PIP5K1B: variants seen among roughly 807,000 people sequenced by gnomAD.
The protein encoded by PIP5K1B is phosphatidylinositol 4-phosphate 5-kinase type-1 beta.
PIP5K1B carries 42 observed loss-of-function variants against 67.0 expected under a neutral mutation model. That is an observed-to-expected ratio of 0.63 (90% confidence interval 0.49 to 0.81). The LOEUF is 0.81. Ranked by LOEUF, PIP5K1B falls within the 30% of genes least tolerant of loss-of-function variation. The pLI, the probability that PIP5K1B is intolerant of heterozygous loss-of-function variation, is 0.00. For missense variants in PIP5K1B, 459 were observed against 646.3 expected (o/e 0.71, Z 3.14); for synonymous variants, 214 against 231.4 (o/e 0.92, Z 0.68).
chr9:68,755,553 G>T (rs1260403017), intron 2 of PIP5K1B, among the ~76,000 whole-genome samples: 1 of 152,160 alleles, frequency 6.6e-6, no homozygotes, highest in East Asian at 1.9e-4. Context: ...TTGAAAAATA[G>T]AGGGAATATA....
intron 8 of PIP5K1B, among the ~76,000 whole-genome samples, chr9:68,900,233 T>C (rs2132436364): frequency 6.6e-6 from 1 of 152,360 alleles, no homozygotes; most frequent in African/African-American, 2.4e-5. Flanking sequence ...TTATTAGCAC[T>C]GACCCCTGTC....
chr9:68,960,002 TA>T (rs1231294183), intron 14 of PIP5K1B, among the ~76,000 whole-genome samples: 1 of 152,204 alleles, frequency 6.6e-6, no homozygotes, highest in Non-Finnish European at 1.5e-5. Context: ...CACTGCTTCA[TA>T]GTGTTTATAT....
chr9:68,846,869 G>T (rs564252253), intron 4 of PIP5K1B, among the ~76,000 whole-genome samples: 1 of 152,272 alleles, frequency 6.6e-6, no homozygotes, highest in South Asian at 2.1e-4. Context: ...GATTTGAAAG[G>T]AAGAGAAAAA....
intron 1 of PIP5K1B, among the ~76,000 whole-genome samples, chr9:68,739,476 A>G (rs539800596): frequency 1.5e-3 from 228 of 152,356 alleles, no homozygotes; most frequent in African/African-American, 5.3e-3. Flanking sequence ...ACAAGAGGCC[A>G]CGTTAGCACA....
intron 1 of PIP5K1B, among the ~76,000 whole-genome samples, chr9:68,733,753 C>T (rs1231611171): frequency 6.7e-6 from 1 of 150,212 alleles, no homozygotes; most frequent in Admixed American, 6.7e-5. Flanking sequence ...AATTCTCCTG[C>T]GTCAGCCACC....
At chr9:68,765,725 G>A (rs1830395254) in intron 2 of PIP5K1B, among the ~76,000 whole-genome samples, 1 of 152,124 alleles carries the variant, frequency 6.6e-6, no homozygotes, top group South Asian at 2.1e-4. Context: ...TTTTGAAAAT[G>A]CAAACTTAAA....
chr9:68,795,444 A>G (rs1832237184), intron 2 of PIP5K1B, among the ~76,000 whole-genome samples: 1 of 152,230 alleles, frequency 6.6e-6, no homozygotes, highest in South Asian at 2.1e-4. Flanking sequence ...TATGTAATAT[A>G]TGGAATAATC....
intron 8 of PIP5K1B, among the ~76,000 whole-genome samples, chr9:68,901,327 C>T (rs540415419): frequency 5.9e-5 from 9 of 152,294 alleles, no homozygotes; most frequent in South Asian, 4.1e-4. Context: ...TGCATAATCT[C>T]GGCTCACTGC....
At chr9:68,720,813 A>G (rs1827846286) in intron 1 of PIP5K1B, among the ~76,000 whole-genome samples, 1 of 152,200 alleles carries the variant, frequency 6.6e-6, no homozygotes, top group Non-Finnish European at 1.5e-5. Flanking sequence ...TGATTTTGTC[A>G]CTGCCGTGGC....
intron 3 of PIP5K1B, among the ~76,000 whole-genome samples, chr9:68,819,928 A>C (rs938872214): frequency 1.6e-4 from 24 of 152,228 alleles, no homozygotes; most frequent in African/African-American, 5.3e-4. Flanking sequence ...TTTTAAAAAA[A>C]AATAGAAGTT....
intron 14 of PIP5K1B, among the ~76,000 whole-genome samples, chr9:68,971,034 G>A (rs1252183825): frequency 1.3e-5 from 2 of 152,084 alleles, no homozygotes; most frequent in East Asian, 1.9e-4. Context: ...TAAGTTCTGG[G>A]ATACGTATGC....
intron 8 of PIP5K1B, among the ~76,000 whole-genome samples, chr9:68,913,515 A>C (rs976177833): frequency 1.2e-4 from 19 of 152,234 alleles, no homozygotes; most frequent in African/African-American, 3.6e-4. Flanking sequence ...AATTGATGCA[A>C]ATCTTAAAAG....
intron 5 of PIP5K1B, among the ~76,000 whole-genome samples, chr9:68,874,699 GTT>G (rs1246502668): frequency 2.0e-5 from 3 of 152,170 alleles, no homozygotes; most frequent in African/African-American, 7.2e-5. Flanking sequence ...GAACATGGGT[GTT>G]TTATCTTACC....
chr9:68,748,931 C>T (rs1046385700), intron 2 of PIP5K1B, among the ~76,000 whole-genome samples: 3 of 152,138 alleles, frequency 2.0e-5, no homozygotes, highest in African/African-American at 7.2e-5. Flanking sequence ...ATCTTTTCTC[C>T]AGCCTCTGTA....
chr9:68,863,555 TTAATG>T (rs1229960119), intron 4 of PIP5K1B, among the ~76,000 whole-genome samples: 1 of 152,204 alleles, frequency 6.6e-6, no homozygotes, highest in Non-Finnish European at 1.5e-5. Context: ...TTAGCACAGA[TTAATG>T]TAAGAAATTA....
intron 5 of PIP5K1B, among the ~76,000 whole-genome samples, chr9:68,867,373 A>G (rs995882455): frequency 2.0e-5 from 3 of 152,256 alleles, no homozygotes; most frequent in Non-Finnish European, 4.4e-5. Context: ...ATGGATTTAC[A>G]GTAAACAGAA....
chr9:68,750,317 G>A (rs1425100769), intron 2 of PIP5K1B, among the ~76,000 whole-genome samples: 1 of 152,166 alleles, frequency 6.6e-6, no homozygotes, highest in African/African-American at 2.4e-5. Flanking sequence ...TGCGTAGATT[G>A]CCTGTCAGTT....
At chr9:68,967,498 G>A (rs1829098595) in intron 14 of PIP5K1B, among the ~76,000 whole-genome samples, 1 of 152,122 alleles carries the variant, frequency 6.6e-6, no homozygotes, top group African/African-American at 2.4e-5. Flanking sequence ...AGGAAGCTAA[G>A]AATTAGTTCA....
At chr9:68,862,648 C>G (rs1408575675) in intron 4 of PIP5K1B, among the ~76,000 whole-genome samples, 1 of 151,794 alleles carries the variant, frequency 6.6e-6, no homozygotes, top group Non-Finnish European at 1.5e-5. Flanking sequence ...AAATATTAGC[C>G]AGATGTGGTG....
Sources: allele counts gnomAD v4.1 joint callset (sites outside exome capture counted in the v4.1 genomes callset), GRCh38; gene constraint gnomAD v4.1.1; transcripts MANE v1.5; gene names NCBI Gene and HGNC (gene_info 2026-07-23, HGNC 2026-07-21).